Variants in LRRC4C observed in about 807,000 individuals in gnomAD.
The protein encoded by LRRC4C is leucine rich repeat containing 4C.
In LRRC4C, 5 loss-of-function variants were observed where a neutral mutation model predicts 33.6. The observed-to-expected ratio is 0.15, with a 90% CI of 0.08 to 0.31. The LOEUF (loss-of-function observed/expected upper bound fraction) is 0.31. LRRC4C is among the 10% of genes least tolerant of loss of function. The pLI, the probability that LRRC4C is intolerant of heterozygous loss-of-function variation, is 1.00. For missense variants in LRRC4C, 560 were observed against 796.7 expected (o/e 0.70, Z 3.58); for synonymous variants, 329 against 302.0 (o/e 1.09, Z -0.93).
Position 40,532,057 on chromosome 11 carries a change from A to G in LRRC4C, c.-270+116085T>C, listed in dbSNP as rs1384601069. Among the ~76,000 whole-genome samples the G allele has an allele frequency of 2.0e-5, 3 of 149,186 alleles. No homozygotes were observed. The East Asian group carries it at 5.9e-4, about 29-fold the overall frequency. ...ATGCATTTTCTTACTAAATTCTGCA[A>G]CAATCTCATAAACTAGAAACCATTG... On this transcript the variant is annotated intron_variant, in intron 3 of 6. Transcript: ENST00000528697.
chr11:40,177,111 G>T (rs1293366936), intron 5 of LRRC4C, among the ~76,000 whole-genome samples: 1 of 151,672 alleles, frequency 6.6e-6, no homozygotes, highest in African/African-American at 2.4e-5. Flanking sequence ...CCGCCACCAT[G>T]TCCAGCTAAT....
chr11:41,143,532 C>T (rs1284899748), intron 1 of LRRC4C, among the ~76,000 whole-genome samples: 2 of 152,232 alleles, frequency 1.3e-5, no homozygotes, highest in Non-Finnish European at 2.9e-5. Context: ...CCTGCAGTGA[C>T]GTTCTTGGTC....
At chr11:40,454,291 C>G (rs1451401338) in intron 3 of LRRC4C, among the ~76,000 whole-genome samples, 1 of 151,716 alleles carries the variant, frequency 6.6e-6, no homozygotes, top group Non-Finnish European at 1.5e-5. Context: ...TGAATAATAT[C>G]CCTATAATCT....
intron 1 of LRRC4C, among the ~76,000 whole-genome samples, chr11:41,325,579 G>T (rs11601731): frequency 0.26 from 13,706 of 51,832 alleles, 1,167 homozygotes; most frequent in African/African-American, 0.4. Flanking sequence ...TTTTTTTTTT[G>T]TGTGTGTGTG....
At chr11:40,893,786 G>A (rs903027869) in intron 2 of LRRC4C, among the ~76,000 whole-genome samples, 3 of 151,154 alleles carry the variant, frequency 2.0e-5, no homozygotes, top group Non-Finnish European at 4.4e-5. Flanking sequence ...ATTCAGAAAG[G>A]ATGGCCGAAA....
At chr11:40,229,669 C>T (rs183627877) in intron 5 of LRRC4C, among the ~76,000 whole-genome samples, 2 of 152,278 alleles carry the variant, frequency 1.3e-5, no homozygotes, top group Admixed American at 1.3e-4. Flanking sequence ...ATAAAGCTGT[C>T]ATTTCTTCTT....
chr11:40,852,366 T>C (rs1427519323), intron 2 of LRRC4C, among the ~76,000 whole-genome samples: 1 of 152,140 alleles, frequency 6.6e-6, no homozygotes, highest in Non-Finnish European at 1.5e-5. Context: ...AATACCTTTC[T>C]GAGCCACCAA....
chr11:40,679,152 C>A lies in LRRC4C; in HGVS notation c.-406-30874G>T, dbSNP rs545384456. Reference sequence around the variant, plus strand: ...AGAGACTGGCAGCATTTTGCCCCTGCGCTATAGATTTGTGGAACTTTGAAG... The same window carrying A: ...AGAGACTGGCAGCATTTTGCCCCTGAGCTATAGATTTGTGGAACTTTGAAG... On this transcript the variant is annotated intron_variant, in intron 2 of 6. Coordinates refer to ENST00000528697, the MANE Select transcript of LRRC4C (RefSeq NM_001258419.2). 1.3e-5 allele frequency among the ~76,000 whole-genome samples: 2 copies of A among 152,196 alleles called. 1 individual carries two copies. The highest frequency in any genetic ancestry group is 3.9e-4 in the East Asian group (2 of 5,158).
chr11:41,444,098 T>C (rs891497833), intron 1 of LRRC4C, among the ~76,000 whole-genome samples: 1 of 152,154 alleles, frequency 6.6e-6, no homozygotes, highest in African/African-American at 2.4e-5. Flanking sequence ...TCTAATGCTT[T>C]GAAATATTTA....
At chr11:40,127,494 G>A (rs1856339667) in intron 6 of LRRC4C, among the ~76,000 whole-genome samples, 2 of 151,992 alleles carry the variant, frequency 1.3e-5, no homozygotes, top group Admixed American at 6.6e-5. Context: ...GGCACTGCAA[G>A]CCTAACAAAA....
At chr11:40,774,208 A>G (rs1949882583) in intron 2 of LRRC4C, among the ~76,000 whole-genome samples, 2 of 152,108 alleles carry the variant, frequency 1.3e-5, no homozygotes. Flanking sequence ...ATAATATTCC[A>G]TGTATAGATA....
At chr11:41,023,625 G>C (rs547195639) in intron 1 of LRRC4C, among the ~76,000 whole-genome samples, 6 of 151,816 alleles carry the variant, frequency 4.0e-5, no homozygotes, top group Admixed American at 3.3e-4. Flanking sequence ...AAGAGAGCCA[G>C]GAGAATATAT....
chr11:41,215,192 T>C (rs868683788), intron 1 of LRRC4C, among the ~76,000 whole-genome samples: 1 of 151,196 alleles, frequency 6.6e-6, no homozygotes, highest in Non-Finnish European at 1.5e-5. Flanking sequence ...TTGAAAAAAA[T>C]TTTTTAAAAA....
At chr11:41,387,500 T>C (rs1453860920) in intron 1 of LRRC4C, among the ~76,000 whole-genome samples, 1 of 151,654 alleles carries the variant, frequency 6.6e-6, no homozygotes, top group Non-Finnish European at 1.5e-5. Flanking sequence ...TGAGATTTCA[T>C]TTGTGGGAAA....
chr11:40,766,642 G>A (rs1234060021), intron 2 of LRRC4C, among the ~76,000 whole-genome samples: 2 of 151,998 alleles, frequency 1.3e-5, no homozygotes, highest in African/African-American at 4.8e-5. Context: ...GTATGTATTA[G>A]ATTTCTCTTT....
intron 3 of LRRC4C, among the ~76,000 whole-genome samples, chr11:40,367,920 A>G (rs1030343805): frequency 1.3e-5 from 2 of 151,786 alleles, no homozygotes; most frequent in Non-Finnish European, 2.9e-5. Flanking sequence ...TCTTTAGTAT[A>G]ATGTCCCATC....
intron 3 of LRRC4C, among the ~76,000 whole-genome samples, chr11:40,505,094 T>A (rs1954967819): frequency 6.6e-6 from 1 of 152,118 alleles, no homozygotes; most frequent in Non-Finnish European, 1.5e-5. Context: ...GCTGATTCAA[T>A]TGGATAAGGC....
chr11:40,929,504 G>T (rs1225643432), intron 2 of LRRC4C, among the ~76,000 whole-genome samples: 1 of 152,122 alleles, frequency 6.6e-6, no homozygotes, highest in Non-Finnish European at 1.5e-5. Flanking sequence ...ATGTAGTTTG[G>T]GTGTACTGGT....
intron 5 of LRRC4C, among the ~76,000 whole-genome samples, chr11:40,199,903 G>A (rs929958063): frequency 2.6e-5 from 4 of 151,972 alleles, no homozygotes; most frequent in African/African-American, 9.7e-5. Context: ...TATGTTCCAC[G>A]AGATGAGAAA....
Sources: gnomAD v4.1 joint callset for allele counts (sites outside exome capture counted in the v4.1 genomes callset) on GRCh38, gnomAD v4.1.1 for gene constraint, MANE v1.5 for transcripts, NCBI Gene and HGNC (gene_info 2026-07-23, HGNC 2026-07-21) for gene names.